The following ADK variants were observed in gnomAD, a reference collection of about 807,000 sequenced individuals.
ADK encodes N6,N6-dimethyladenosine kinase.
A neutral mutation model predicts 44.7 loss-of-function variants in ADK; 24 were observed. The ratio of observed to expected loss-of-function variants is 0.54; its 90% confidence interval spans 0.39 to 0.76. The LOEUF (loss-of-function observed/expected upper bound fraction) is 0.76, where lower values mean the gene tolerates loss of function less well. Among genes scored for constraint, ADK ranks in the 30% least tolerant of loss-of-function variants. The pLI is 0.00. For synonymous variants in ADK, 128 were observed against 142.6 expected, an observed-to-expected ratio of 0.90 and a Z score of 0.73; for missense variants, 321 against 425.1, an observed-to-expected ratio of 0.76 and a Z score of 2.15.
chr10:74,661,527 G>A (rs552638954), intron 9 of ADK, among the ~76,000 whole-genome samples: 13 of 152,220 alleles, frequency 8.5e-5, no homozygotes, highest in South Asian at 4.1e-4. Flanking sequence ...GATAACTACC[G>A]TTGCATTCCA....
intron 7 of ADK, among the ~76,000 whole-genome samples, chr10:74,564,533 C>G (rs931554755): frequency 6.6e-6 from 1 of 152,154 alleles, no homozygotes; most frequent in African/African-American, 2.4e-5. Flanking sequence ...CCTTTCCTGA[C>G]TAACCCTGTT....
rs140998373 is a variant in ADK, at chr10:74,186,053, C to T, written c.66-14711C>T. Among the ~76,000 whole-genome samples, 608 of 151,806 alleles carry T rather than the reference C, an allele frequency of 4.0e-3. 3 individuals are homozygous for T. Among genetic ancestry groups the T allele is most frequent in the African/African-American group, 0.014 (572 of 41,416 alleles). On this transcript the variant is annotated intron_variant, in intron 1 of 10. Transcript: ENST00000539909. ...TTGTAGAGATGGAGTTTCACCATGT[C>T]GGCCAGGCTGCTCTGGAACTCCTGA...
Position 74,600,531 on chromosome 10 carries a change from G to A in ADK, c.877+38G>A, listed in dbSNP as rs559687018. On this transcript the variant is annotated intron_variant, in intron 9 of 10. Coordinates refer to ENST00000539909, the MANE Select transcript of ADK (RefSeq NM_006721.4). ...AATGTGTGATGAATCTAGTATTATG[G>A]AGATTAATCAATTACAAAAAAAAAT... 7.1e-6 allele frequency: 10 copies of A among 1,400,776 alleles called. No individual in the cohort carries two copies. In the East Asian group the frequency reaches 2.2e-4, roughly 31 times the overall value. The allele number at this position is 1,400,776 out of a possible 1,614,324, so 86.8% of individuals were successfully genotyped here. A position where few individuals can be genotyped will look rare whatever the true frequency, so the allele number is the denominator to read the frequency against.
intron 3 of ADK, among the ~76,000 whole-genome samples, chr10:74,291,232 C>T (rs1019174099): frequency 2.2e-4 from 34 of 152,094 alleles, no homozygotes; most frequent in African/African-American, 7.7e-4. Flanking sequence ...CTGGCTAACA[C>T]GGTGAAACCC....
At chr10:74,675,929 A>G (rs1405472283) in intron 10 of ADK, among the ~76,000 whole-genome samples, 1 of 152,128 alleles carries the variant, frequency 6.6e-6, no homozygotes, top group African/African-American at 2.4e-5. Context: ...CAGGACCTAC[A>G]AATCATCTTT....
At chr10:74,440,723 C>A (rs1342668851) in intron 6 of ADK, among the ~76,000 whole-genome samples, 2 of 152,052 alleles carry the variant, frequency 1.3e-5, no homozygotes, top group African/African-American at 4.8e-5. Context: ...TTTCAAATGG[C>A]CCTACCAATT....
intron 6 of ADK, among the ~76,000 whole-genome samples, chr10:74,430,434 A>G (rs1189490691): frequency 6.6e-6 from 1 of 152,078 alleles, no homozygotes; most frequent in African/African-American, 2.4e-5. Flanking sequence ...AGCTGCTGTG[A>G]ATATTTGCAC....
intron 9 of ADK, among the ~76,000 whole-genome samples, chr10:74,629,453 TAA>T: frequency 6.6e-6 from 1 of 152,298 alleles, no homozygotes; most frequent in East Asian, 1.9e-4. Flanking sequence ...CAAGCAAAAT[TAA>T]GACTTGAAAT....
chr10:74,643,136 T>G (rs1036391083), intron 9 of ADK, among the ~76,000 whole-genome samples: 2 of 152,056 alleles, frequency 1.3e-5, no homozygotes, highest in Admixed American at 6.6e-5. Flanking sequence ...CTCACCATGC[T>G]TAGCCTAAAT....
chr10:74,643,260 T>C (rs1376187041), intron 9 of ADK, among the ~76,000 whole-genome samples: 1 of 152,176 alleles, frequency 6.6e-6, no homozygotes, highest in East Asian at 1.9e-4. Context: ...AATTTGGTTT[T>C]ATAAACCCTA....
At chr10:74,583,028 T>G (rs73276220) in intron 7 of ADK, among the ~76,000 whole-genome samples, 6,161 of 152,272 alleles carry the variant, frequency 0.04, 377 homozygotes, top group African/African-American at 0.13. Flanking sequence ...AAATAATGCA[T>G]AAGTTAAAAT....
At chr10:74,608,489 C>G (rs1163911043) in intron 9 of ADK, among the ~76,000 whole-genome samples, 1 of 152,126 alleles carries the variant, frequency 6.6e-6, no homozygotes, top group Admixed American at 6.6e-5. Flanking sequence ...ACAGATGCCT[C>G]TGCTGCAGGT....
At chr10:74,529,571 A>T (rs554079092) in intron 7 of ADK, among the ~76,000 whole-genome samples, 4 of 152,322 alleles carry the variant, frequency 2.6e-5, no homozygotes, top group Middle Eastern at 6.8e-3. Context: ...CAGTAAACTT[A>T]AAAGTTGGAT....
intron 10 of ADK, among the ~76,000 whole-genome samples, chr10:74,671,838 A>G (rs1235685170): frequency 6.6e-6 from 1 of 152,196 alleles, no homozygotes; most frequent in Non-Finnish European, 1.5e-5. Flanking sequence ...TGAGGCCATC[A>G]TAGATTTGAT....
chr10:74,352,856 A>T (rs1564670422), intron 4 of ADK, among the ~76,000 whole-genome samples: 1 of 152,224 alleles, frequency 6.6e-6, no homozygotes, highest in Admixed American at 6.5e-5. Context: ...AATCAAAACC[A>T]CAATGAGATA....
At chr10:74,608,337 T>G (rs1852413931) in intron 9 of ADK, among the ~76,000 whole-genome samples, 2 of 152,166 alleles carry the variant, frequency 1.3e-5, no homozygotes, top group South Asian at 4.2e-4. Context: ...TTTTCAGCCT[T>G]TTTGCACTGG....
chr10:74,673,757 C>T (rs2134207861), intron 10 of ADK, among the ~76,000 whole-genome samples: 1 of 152,276 alleles, frequency 6.6e-6, no homozygotes, highest in Admixed American at 6.5e-5. Context: ...TGAGGTCACA[C>T]AAACGAGTTG....
chr10:74,458,146 T>TGA (rs1846026234), intron 6 of ADK, among the ~76,000 whole-genome samples: 2 of 106,330 alleles, frequency 1.9e-5, no homozygotes, highest in Non-Finnish European at 3.7e-5. Flanking sequence ...TTTTTTTTTT[T>TGA]GGGGGGAGAA....
chr10:74,478,220 T>A (rs942870606), intron 6 of ADK, among the ~76,000 whole-genome samples: 1 of 152,138 alleles, frequency 6.6e-6, no homozygotes, highest in African/African-American at 2.4e-5. Flanking sequence ...ATCTTAGAAC[T>A]GTATTTATTT....
Sources: allele counts gnomAD v4.1 joint callset (sites outside exome capture counted in the v4.1 genomes callset), GRCh38; gene constraint gnomAD v4.1.1; transcripts MANE v1.5; gene names NCBI Gene and HGNC (gene_info 2026-07-23, HGNC 2026-07-21).